SEMA3A: variants seen among roughly 807,000 people sequenced by gnomAD.
The protein encoded by SEMA3A is semaphorin-3A.
SEMA3A carries 29 observed loss-of-function variants against 97.9 expected under a neutral mutation model. The ratio of observed to expected loss-of-function variants is 0.30; its 90% CI spans 0.22 to 0.40. The LOEUF (loss-of-function observed/expected upper bound fraction) is 0.40, where lower values mean the gene tolerates loss of function less well. SEMA3A is among the 10% of genes least tolerant of loss of function. SEMA3A has a pLI of 1.00. For synonymous variants in SEMA3A, 321 were observed against 323.7 expected (o/e 0.99, Z 0.09); for missense variants, 763 against 951.3 (o/e 0.80, Z 2.60).
intron 2 of SEMA3A, among the ~76,000 whole-genome samples, chr7:84,313,376 ATATATATATATATATATATATATATATAT>A (rs1801407234): frequency 1.3e-5 from 1 of 78,822 alleles, no homozygotes; most frequent in Admixed American, 1.3e-4. Flanking sequence ...ATATATATAT[ATATATATATATATATATATATATATATAT>A]AAACTATACG....
At chr7:84,008,379 T>C (rs1790750365) in intron 9 of SEMA3A, among the ~76,000 whole-genome samples, 1 of 150,726 alleles carries the variant, frequency 6.6e-6, no homozygotes, top group African/African-American at 2.4e-5. Flanking sequence ...TAGTCCCAGC[T>C]ACTCGGGAGG....
chr7:84,432,440 T>C (rs1296289010), intron 1 of SEMA3A, among the ~76,000 whole-genome samples: 2 of 152,170 alleles, frequency 1.3e-5, no homozygotes, highest in African/African-American at 4.8e-5. Flanking sequence ...GTTTGGTACA[T>C]TGGTATATTC....
At chr7:84,351,462 C>T (rs1357554686) in intron 2 of SEMA3A, among the ~76,000 whole-genome samples, 1 of 151,646 alleles carries the variant, frequency 6.6e-6, no homozygotes, top group Non-Finnish European at 1.5e-5. Flanking sequence ...AAAATTTGAC[C>T]ATCCTTATGG....
intron 1 of SEMA3A, among the ~76,000 whole-genome samples, chr7:84,143,056 A>C (rs1385591371): frequency 6.6e-6 from 1 of 152,148 alleles, no homozygotes; most frequent in Admixed American, 6.6e-5. Flanking sequence ...TTTTGCTTAC[A>C]TACTCACTGC....
chr7:84,166,343 G>A (rs559313886), intron 1 of SEMA3A, among the ~76,000 whole-genome samples: 17 of 151,458 alleles, frequency 1.1e-4, no homozygotes, highest in Non-Finnish European at 1.9e-4. Context: ...GGAGGCTGAG[G>A]CAGGCAGATC....
At chr7:84,325,444 A>C (rs936815222) in intron 2 of SEMA3A, among the ~76,000 whole-genome samples, 1 of 152,226 alleles carries the variant, frequency 6.6e-6, no homozygotes, top group African/African-American at 2.4e-5. Context: ...ATAAAGACAG[A>C]AGATTTGCCA....
At chr7:84,086,063 T>C (rs928977013) in intron 4 of SEMA3A, among the ~76,000 whole-genome samples, 1 of 152,144 alleles carries the variant, frequency 6.6e-6, no homozygotes, top group Non-Finnish European at 1.5e-5. Context: ...CTTCTACCCC[T>C]GTTGCTATTA....
chr7:83,965,647 TATATATATATATATATA>T (rs1562943456), intron 15 of SEMA3A, among the ~76,000 whole-genome samples: 18 of 10,784 alleles, frequency 1.7e-3, no homozygotes, highest in African/African-American at 3.7e-3. Context: ...TATATATATA[TATATATATATATATATA>T]TATTTTTTTT....
chr7:83,986,066 T>C (rs10230794), intron 12 of SEMA3A, among the ~76,000 whole-genome samples: 59,265 of 152,004 alleles, frequency 0.39, 12,088 homozygotes, highest in Middle Eastern at 0.5. Context: ...TGGTTTTGCT[T>C]TTATCTTGAT....
At chr7:84,284,868 A>C (rs1800540225) in intron 3 of SEMA3A, among the ~76,000 whole-genome samples, 1 of 152,138 alleles carries the variant, frequency 6.6e-6, no homozygotes, top group South Asian at 2.1e-4. Context: ...GGTTTGCTTT[A>C]GGCACACAAA....
chr7:84,489,595 T>C (rs1205601397), intron 1 of SEMA3A, among the ~76,000 whole-genome samples: 2 of 152,126 alleles, frequency 1.3e-5, no homozygotes, highest in Admixed American at 6.6e-5. Flanking sequence ...TCTTGAATAA[T>C]GGAATAATGG....
chr7:84,419,815 TA>T (rs1252242004), intron 1 of SEMA3A, among the ~76,000 whole-genome samples: 1 of 152,086 alleles, frequency 6.6e-6, no homozygotes, highest in Non-Finnish European at 1.5e-5. Flanking sequence ...AATCAGGAAA[TA>T]AAGGCTAAGG....
chr7:84,107,596 G>A (rs551451473), intron 4 of SEMA3A, among the ~76,000 whole-genome samples: 6 of 152,160 alleles, frequency 3.9e-5, no homozygotes, highest in South Asian at 2.1e-4. Flanking sequence ...CAGAATGCTC[G>A]GGCGGGAAGC....
chr7:83,999,395 G>A lies in SEMA3A; in HGVS notation c.1452+2560C>T, dbSNP rs1041218313. Among the ~76,000 whole-genome samples the A allele has an allele frequency of 4.6e-5, 7 of 151,854 alleles. No individual in the cohort carries two copies. The East Asian group carries it at 5.8e-4, about 13-fold the overall frequency. On this transcript the variant is annotated intron_variant, in intron 12 of 16. Transcript: ENST00000265362. Reference sequence around the variant, plus strand: ...AAATTCACGAAAACACAATATAAATGCAAAATTATGCACATTCTAATTCAT... The same window carrying A: ...AAATTCACGAAAACACAATATAAATACAAAATTATGCACATTCTAATTCAT...
At chr7:84,464,354 A>C (rs1031786330) in intron 1 of SEMA3A, among the ~76,000 whole-genome samples, 2 of 152,220 alleles carry the variant, frequency 1.3e-5, no homozygotes, top group Non-Finnish European at 2.9e-5. Context: ...GTGACGATGT[A>C]AGAGAAGGTT....
intron 15 of SEMA3A, among the ~76,000 whole-genome samples, chr7:83,973,809 T>C (rs1789015749): frequency 6.6e-6 from 1 of 151,834 alleles, no homozygotes; most frequent in Non-Finnish European, 1.5e-5. Flanking sequence ...AATTCAATGA[T>C]GGCATTCAAC....
intron 1 of SEMA3A, among the ~76,000 whole-genome samples, chr7:84,166,125 T>C (rs969823735): frequency 6.6e-6 from 1 of 151,442 alleles, no homozygotes; most frequent in African/African-American, 2.4e-5. Context: ...GTAAAATAAA[T>C]ATTAGCTGGG....
chr7:84,414,667 T>C (rs189519910), intron 1 of SEMA3A, among the ~76,000 whole-genome samples: 176 of 152,106 alleles, frequency 1.2e-3, no homozygotes, highest in African/African-American at 3.8e-3. Context: ...AACACTCAGA[T>C]GGTGGGACAT....
In SEMA3A at chr7:83,992,334, T is replaced by C. The variant is rs1486580921; in HGVS notation, c.1453-6857A>G. On this transcript the variant is annotated intron_variant, in intron 12 of 16. Transcript: ENST00000265362. Reference sequence around the variant, plus strand: ...TCTATTTCCTTCAGTTCTGCTCTGATTTTAGTTATTTCTTGCCTTCTGCTA... The same window carrying C: ...TCTATTTCCTTCAGTTCTGCTCTGACTTTAGTTATTTCTTGCCTTCTGCTA... Among the ~76,000 whole-genome samples, 637 of 143,126 alleles carry C rather than the reference T, an allele frequency of 4.5e-3. 7 individuals are homozygous for C. The highest frequency in any genetic ancestry group is 0.016 in the African/African-American group (598 of 37,344). The allele number at this position is 143,126 out of a possible 152,430, so 93.9% of individuals were successfully genotyped here. A position where few individuals can be genotyped will look rare whatever the true frequency, so the allele number is the denominator to read the frequency against.
Sources: allele counts gnomAD v4.1 joint callset (sites outside exome capture counted in the v4.1 genomes callset), GRCh38; gene constraint gnomAD v4.1.1; transcripts MANE v1.5; gene names NCBI Gene and HGNC (gene_info 2026-07-23, HGNC 2026-07-21).